The following PCCA variants were observed in gnomAD, a reference collection of about 807,000 sequenced individuals.
PCCA encodes propionyl-CoA carboxylase subunit alpha.
A neutral mutation model predicts 101.3 loss-of-function variants in PCCA; 74 were observed. The observed-to-expected ratio is 0.73, with a 90% confidence interval of 0.61 to 0.89. PCCA has a LOEUF of 0.89. Among genes scored for constraint, PCCA ranks in the 40% least tolerant of loss-of-function variants. The pLI is 0.00. For missense variants in PCCA, 891 were observed against 907.0 expected (o/e 0.98, Z 0.23); for synonymous variants, 294 against 313.6 (o/e 0.94, Z 0.66).
intron 19 of PCCA, among the ~76,000 whole-genome samples, chr13:100,404,369 T>C (rs190876580): frequency 7.4e-4 from 112 of 152,238 alleles, no homozygotes; most frequent in Middle Eastern, 3.4e-3. Flanking sequence ...GGAAATTAAC[T>C]CTTTCCAGCT....
chr13:100,242,110 A>T (rs1751264004), intron 8 of PCCA, among the ~76,000 whole-genome samples: 4 of 152,166 alleles, frequency 2.6e-5, no homozygotes, highest in Admixed American at 2.0e-4. Context: ...ATAATATCTT[A>T]TTGTAGCAGA....
intron 6 of PCCA, among the ~76,000 whole-genome samples, chr13:100,172,555 G>A (rs765631953): frequency 6.6e-6 from 1 of 152,068 alleles, no homozygotes; most frequent in Non-Finnish European, 1.5e-5. Context: ...CATTCCTGCC[G>A]TCATCATCCT....
chr13:100,114,096 T>G (rs1448297809), intron 4 of PCCA, among the ~76,000 whole-genome samples: 1 of 151,926 alleles, frequency 6.6e-6, no homozygotes, highest in Non-Finnish European at 1.5e-5. Flanking sequence ...CATCAAGACA[T>G]CAGTAGGCAT....
chr13:100,368,646 G>C (rs977713631), intron 19 of PCCA, 72 bp downstream of exon 19: 12 of 904,156 alleles, frequency 1.3e-5, no homozygotes, highest in Admixed American at 1.2e-4. Context: ...TTTTTAACCT[G>C]TTCAGTGACT....
chr13:100,340,232 G>C lies in PCCA; in HGVS notation c.1616G>C (p.Arg539Thr). ...ASSLFVAFQL[R>T]AQHFQENSRM... ...TCATTGTTTGTGGCATTCCAGTTAA[G>C]AGCACAACATTTTCAAGAAAATTCA... Residue 539 changes from arginine (R) to threonine (T), a missense_variant, in exon 18 of 24, where the codon AGA becomes ACA. Coordinates refer to ENST00000376285, the MANE Select transcript of PCCA (RefSeq NM_000282.4). 6.2e-7 allele frequency: 1 copy of C among 1,603,284 alleles called. No individual in the cohort carries two copies. Among genetic ancestry groups the C allele is most frequent in the Non-Finnish European group, 8.5e-7 (1 of 1,170,194 alleles).
At chr13:100,109,099 G>T (rs1282864979) in intron 2 of PCCA, among the ~76,000 whole-genome samples, 2 of 152,204 alleles carry the variant, frequency 1.3e-5, no homozygotes, top group Non-Finnish European at 2.9e-5. Context: ...TAACAGTCTG[G>T]CATGTAGCCC....
rs148111856 is a variant in PCCA at position 100,133,293 on chromosome 13, C to T, written c.300+21232C>T. ...GAGTGTTCTTTATGTATTCCGAATA[C>T]AGGTCCTTTGTTGGATGTATGATTG... On this transcript the variant is annotated intron_variant, in intron 4 of 23. Transcript: ENST00000376285. Among the ~76,000 whole-genome samples, 43 of 152,244 alleles carry T rather than the reference C, an allele frequency of 2.8e-4. No homozygotes were observed. The East Asian group carries it at 8.3e-3, about 29-fold the overall frequency.
intron 20 of PCCA, among the ~76,000 whole-genome samples, chr13:100,431,766 T>C (rs566909848): frequency 6.6e-6 from 1 of 152,130 alleles, no homozygotes; most frequent in South Asian, 2.1e-4. Context: ...CGTGGGAGGC[T>C]GAGGCAGGAG....
chr13:100,458,446 C>T (rs1346283594), intron 21 of PCCA, among the ~76,000 whole-genome samples: 41 of 26,718 alleles, frequency 1.5e-3, no homozygotes, highest in Admixed American at 0.011. Flanking sequence ...CACATACACA[C>T]ACACACACAC....
intron 2 of PCCA, among the ~76,000 whole-genome samples, chr13:100,103,315 C>CTTT (rs199517193): frequency 6.9e-6 from 1 of 144,238 alleles, no homozygotes; most frequent in African/African-American, 2.6e-5. Flanking sequence ...TTACTTAATA[C>CTTT]TTTTTTTTTT....
At chr13:100,426,688 G>T (rs1209793543) in intron 20 of PCCA, among the ~76,000 whole-genome samples, 5 of 152,076 alleles carry the variant, frequency 3.3e-5, no homozygotes, top group African/African-American at 1.2e-4. Flanking sequence ...TGAACTCTTG[G>T]TAATAAGCCC....
chr13:100,160,749 A>C (rs2054381211), intron 6 of PCCA: 4 of 152,218 alleles, frequency 2.6e-5, no homozygotes, highest in South Asian at 4.1e-4. Context: ...AAGACATCTT[A>C]ACAGAGTTTA....
intron 7 of PCCA, among the ~76,000 whole-genome samples, chr13:100,231,254 G>A (rs543281127): frequency 6.6e-6 from 1 of 152,220 alleles, no homozygotes; most frequent in Non-Finnish European, 1.5e-5. Context: ...GTTCCGTCCC[G>A]TGTCTTCAGG....
At chr13:100,239,696 A>G (rs2061004429) in intron 8 of PCCA, among the ~76,000 whole-genome samples, 1 of 152,148 alleles carries the variant, frequency 6.6e-6, no homozygotes, top group Non-Finnish European at 1.5e-5. Context: ...CCTTAATACA[A>G]TCAAGTCAAA....
chr13:100,247,736 G>A (rs752283502), intron 8 of PCCA, among the ~76,000 whole-genome samples: 71 of 150,652 alleles, frequency 4.7e-4, no homozygotes, highest in Non-Finnish European at 8.0e-4. Flanking sequence ...GGCTGGTCTC[G>A]GACTCCTAAC....
intron 11 of PCCA, among the ~76,000 whole-genome samples, chr13:100,271,705 A>T (rs1274228513): frequency 1.3e-5 from 2 of 152,266 alleles, no homozygotes; most frequent in Non-Finnish European, 2.9e-5. Flanking sequence ...CCAAGTGGAT[A>T]TTAAATGCTT....
chr13:100,512,789 A>G lies in PCCA; in HGVS notation c.1900-2638A>G, dbSNP rs9554697. Among the ~76,000 whole-genome samples, 433 of 152,314 alleles carry G rather than the reference A, an allele frequency of 2.8e-3. 17 individuals are homozygous for G. In the East Asian group the frequency reaches 0.055, roughly 19 times the overall value. On this transcript the variant is annotated intron_variant, in intron 21 of 23. Transcript: ENST00000376285. ...TTATCTTCTTGAAAACAACCACAAA[A>G]ACTTAAAATCAAAACTCTCTAAGGG...
chr13:100,450,525 T>C (rs966040256), intron 21 of PCCA, among the ~76,000 whole-genome samples: 1 of 152,214 alleles, frequency 6.6e-6, no homozygotes, highest in Non-Finnish European at 1.5e-5. Context: ...GTCCTTTGGG[T>C]ACCTCATTCA....
chr13:100,158,321 C>T (rs372691947), intron 6 of PCCA, among the ~76,000 whole-genome samples: 7 of 152,276 alleles, frequency 4.6e-5, no homozygotes, highest in Middle Eastern at 3.4e-3. Context: ...TGTTCTTCCA[C>T]GGATTGGAAA....
Sources: gnomAD v4.1 joint callset for allele counts (sites outside exome capture counted in the v4.1 genomes callset) on GRCh38, gnomAD v4.1.1 for gene constraint, MANE v1.5 for transcripts, NCBI Gene and HGNC (gene_info 2026-07-23, HGNC 2026-07-21) for gene names.